Variants in DYNC1I1 observed in about 807,000 individuals in gnomAD.
DYNC1I1 encodes the protein dynein cytoplasmic 1 intermediate chain 1, also known as cytoplasmic dynein 1 intermediate chain 1.
In DYNC1I1, 43 loss-of-function variants were observed where a neutral mutation model predicts 86.6. That is an observed-to-expected ratio of 0.50 (90% CI 0.39 to 0.64). The LOEUF is 0.64. Among genes scored for constraint, DYNC1I1 ranks in the 30% least tolerant of loss-of-function variants. The pLI, the probability that DYNC1I1 is intolerant of heterozygous loss-of-function variation, is 0.00. For missense variants in DYNC1I1, 604 were observed against 788.8 expected, an observed-to-expected ratio of 0.77 and a Z score of 2.81; for synonymous variants, 262 against 283.7, an observed-to-expected ratio of 0.92 and a Z score of 0.77.
intron 5 of DYNC1I1, among the ~76,000 whole-genome samples, chr7:95,868,649 A>G (rs1790078702): frequency 6.6e-6 from 1 of 152,136 alleles, no homozygotes; most frequent in African/African-American, 2.4e-5. Context: ...CATAATAACT[A>G]TATACTAAAA....
At chr7:95,863,882 T>TTTAG (rs1789953084) in intron 5 of DYNC1I1, among the ~76,000 whole-genome samples, 1 of 150,784 alleles carries the variant, frequency 6.6e-6, no homozygotes, top group Non-Finnish European at 1.5e-5. Flanking sequence ...TTTGCAAGAA[T>TTTAG]TATTCATAGT....
intron 14 of DYNC1I1, among the ~76,000 whole-genome samples, chr7:96,044,122 G>C (rs540435815): frequency 6.6e-6 from 1 of 152,328 alleles, no homozygotes; most frequent in East Asian, 1.9e-4. Flanking sequence ...GGGAATGGGA[G>C]AGCTTGTGAA....
In DYNC1I1 at chr7:95,990,840, G is replaced by A. The variant is rs550265766; in HGVS notation, c.843+3685G>A. ...AGCCCAGGAGTTCAAGACCAGCCTGGGCAACATGGCAAAACCCCATCTCTA... is the reference window on the plus strand; with the variant it reads ...AGCCCAGGAGTTCAAGACCAGCCTGAGCAACATGGCAAAACCCCATCTCTA... On this transcript the variant is annotated intron_variant, in intron 9 of 16. Coordinates refer to ENST00000447467, the MANE Select transcript of DYNC1I1 (RefSeq NM_001135556.2). Among the ~76,000 whole-genome samples, 48 of 151,618 alleles carry A rather than the reference G, an allele frequency of 3.2e-4. No homozygotes were observed. In the Middle Eastern group the frequency reaches 0.01, roughly 32 times the overall value.
chr7:95,848,624 T>A (rs1328657593), intron 5 of DYNC1I1, among the ~76,000 whole-genome samples: 2 of 152,168 alleles, frequency 1.3e-5, no homozygotes, highest in African/African-American at 4.8e-5. Flanking sequence ...TACCTATTCA[T>A]CTTTTGATAA....
At chr7:95,964,761 A>G (rs1792965114) in intron 6 of DYNC1I1, among the ~76,000 whole-genome samples, 1 of 152,200 alleles carries the variant, frequency 6.6e-6, no homozygotes, top group African/African-American at 2.4e-5. Flanking sequence ...GGATGGTGGT[A>G]TGTTGCTATA....
intron 6 of DYNC1I1, among the ~76,000 whole-genome samples, chr7:95,939,740 A>T (rs151200046): frequency 0.07 from 10,589 of 151,418 alleles, 697 homozygotes; most frequent in African/African-American, 0.18. Context: ...ATGGGTCTTG[A>T]CTCTTTATCC....
At chr7:96,106,836 CTT>C (rs1307208903) in intron 16 of DYNC1I1, among the ~76,000 whole-genome samples, 1 of 152,162 alleles carries the variant, frequency 6.6e-6, no homozygotes, top group Non-Finnish European at 1.5e-5. Flanking sequence ...TCTTTTATGA[CTT>C]AGCATATGGT....
intron 10 of DYNC1I1, 81 bp from the exon 11 acceptor site, chr7:96,028,094 A>AGTTGAGTTTTGT (rs1370773225): frequency 2.0e-4 from 308 of 1,543,010 alleles, no homozygotes; most frequent in South Asian, 4.7e-4. Context: ...AGTTTATGTG[A>AGTTGAGTTTTGT]TGAACTGTTT....
chr7:95,862,894 ATCTCTGT>A (rs1275482115), intron 5 of DYNC1I1, among the ~76,000 whole-genome samples: 1 of 152,220 alleles, frequency 6.6e-6, no homozygotes, highest in African/African-American at 2.4e-5. Context: ...AAATTAAAAC[ATCTCTGT>A]ATTATAATAC....
intron 6 of DYNC1I1, among the ~76,000 whole-genome samples, chr7:95,968,978 A>AATGGCAAT (rs1793094539): frequency 1.3e-5 from 2 of 152,250 alleles, no homozygotes; most frequent in African/African-American, 4.8e-5. Context: ...CATAGGCCAT[A>AATGGCAAT]ATGGCAATGC....
chr7:95,943,362 T>G lies in DYNC1I1; in HGVS notation c.491-34150T>G, dbSNP rs200576747. ...AGGAGAACTACAAACCACTGCTCAA[T>G]GAAATAAAAGAGGATAGAAAGAAAT... On this transcript the variant is annotated intron_variant, in intron 6 of 16. Transcript: ENST00000447467. Among the ~76,000 whole-genome samples, 124 of 151,510 alleles carry G rather than the reference T, an allele frequency of 8.2e-4. 4 individuals carry two copies. In the East Asian group the frequency reaches 0.023, roughly 28 times the overall value.
chr7:95,794,749 T>C (rs952693035), intron 1 of DYNC1I1, among the ~76,000 whole-genome samples: 1 of 152,102 alleles, frequency 6.6e-6, no homozygotes, highest in Admixed American at 6.6e-5. Context: ...ACAGTGAAAA[T>C]AGGACTAGAG....
intron 10 of DYNC1I1, among the ~76,000 whole-genome samples, chr7:95,996,654 A>G (rs1281322230): frequency 1.3e-5 from 2 of 152,176 alleles, no homozygotes; most frequent in African/African-American, 2.4e-5. Flanking sequence ...CTCTGCGGAC[A>G]CGTCTTCTCT....
chr7:95,788,515 G>A (rs1258386652), intron 1 of DYNC1I1, among the ~76,000 whole-genome samples: 1 of 152,204 alleles, frequency 6.6e-6, no homozygotes, highest in Admixed American at 6.5e-5. Context: ...CTTCCAGGTG[G>A]TGTGCTGGCG....
At chr7:96,075,106 G>A (rs1466304819) in intron 14 of DYNC1I1, among the ~76,000 whole-genome samples, 1 of 152,252 alleles carries the variant, frequency 6.6e-6, no homozygotes, top group East Asian at 1.9e-4. Flanking sequence ...AGACAAGCCA[G>A]ATGGAATGAA....
intron 9 of DYNC1I1, 74 bp from the exon 10 acceptor site, chr7:95,995,874 G>C (rs1011973834): frequency 1.3e-6 from 2 of 1,531,070 alleles, no homozygotes; most frequent in African/African-American, 1.4e-5. Context: ...TATACCACGT[G>C]TATGTAGGAA....
intron 1 of DYNC1I1, among the ~76,000 whole-genome samples, chr7:95,803,164 A>T (rs2115787904): frequency 6.6e-6 from 1 of 152,316 alleles, no homozygotes; most frequent in African/African-American, 2.4e-5. Context: ...AAAAGGAATT[A>T]ATAATAAGAA....
intron 14 of DYNC1I1, among the ~76,000 whole-genome samples, chr7:96,068,350 A>T (rs1484262635): frequency 6.6e-6 from 1 of 152,208 alleles, no homozygotes; most frequent in Non-Finnish European, 1.5e-5. Flanking sequence ...TCTCTCCACC[A>T]TTAAAATAAA....
intron 1 of DYNC1I1, among the ~76,000 whole-genome samples, chr7:95,791,733 T>A (rs1157710956): frequency 6.6e-6 from 1 of 152,072 alleles, no homozygotes; most frequent in Non-Finnish European, 1.5e-5. Context: ...CCTTTTAGAG[T>A]CGGAAAACAG....
Sources: gnomAD v4.1 joint callset for allele counts (sites outside exome capture counted in the v4.1 genomes callset) on GRCh38, gnomAD v4.1.1 for gene constraint, MANE v1.5 for transcripts, NCBI Gene and HGNC (gene_info 2026-07-23, HGNC 2026-07-21) for gene names.